Variants in BACH2 observed in about 807,000 individuals in gnomAD.
BACH2 encodes BACH transcriptional regulator 2, also known as transcription regulator protein BACH2.
BACH2 carries 5 observed loss-of-function variants against 61.8 expected under a neutral mutation model. That is an observed-to-expected ratio of 0.08 (90% confidence interval 0.04 to 0.17). The LOEUF (loss-of-function observed/expected upper bound fraction) is 0.17, where lower values mean the gene tolerates loss of function less well. Ranked by LOEUF, BACH2 falls within the 10% of genes least tolerant of loss-of-function variation. The pLI is 1.00. For missense variants in BACH2, 824 were observed against 1,091.1 expected (o/e 0.76, Z 3.45); for synonymous variants, 446 against 440.1 (o/e 1.01, Z -0.17).
chr6:89,960,577 A>G (rs1010073242), intron 6 of BACH2, among the ~76,000 whole-genome samples: 6 of 152,208 alleles, frequency 3.9e-5, no homozygotes, highest in African/African-American at 1.4e-4. Flanking sequence ...AATTGGTTCT[A>G]TTTTTCCAGT....
chr6:90,104,359 G>C (rs1782805958), intron 4 of BACH2: 1 of 152,212 alleles, frequency 6.6e-6, no homozygotes, highest in Non-Finnish European at 1.5e-5. Context: ...TGCTCCTGCT[G>C]TGCCCAGAAG....
At chr6:90,031,382 G>T (rs1042277689) in intron 5 of BACH2, among the ~76,000 whole-genome samples, 3 of 151,984 alleles carry the variant, frequency 2.0e-5, no homozygotes, top group African/African-American at 7.3e-5. Context: ...GGAAATAAAG[G>T]GTATTCAATT....
chr6:89,945,651 A>C (rs1773677239), intron 7 of BACH2, among the ~76,000 whole-genome samples: 3 of 152,202 alleles, frequency 2.0e-5, no homozygotes, highest in Admixed American at 2.0e-4. Context: ...AACATTGTGG[A>C]TATATCAACA....
At chr6:90,223,756 T>C (rs1377629764) in intron 3 of BACH2, among the ~76,000 whole-genome samples, 1 of 152,212 alleles carries the variant, frequency 6.6e-6, no homozygotes, top group East Asian at 1.9e-4. Context: ...ATTACAGGTA[T>C]GAGCCACCAG....
At chr6:90,009,304 A>G (rs777623535) in intron 5 of BACH2, among the ~76,000 whole-genome samples, 1 of 152,250 alleles carries the variant, frequency 6.6e-6, no homozygotes, top group Non-Finnish European at 1.5e-5. Flanking sequence ...TGTTGTCTTG[A>G]TGAAGTATAT....
At chr6:89,995,558 T>C (rs1776799310) in intron 6 of BACH2, among the ~76,000 whole-genome samples, 1 of 152,170 alleles carries the variant, frequency 6.6e-6, no homozygotes, top group Admixed American at 6.5e-5. Context: ...ACTTATCGCT[T>C]GTGACAAGAA....
At chr6:90,087,363 A>T (rs1781976237) in intron 5 of BACH2, among the ~76,000 whole-genome samples, 1 of 152,218 alleles carries the variant, frequency 6.6e-6, no homozygotes, top group Non-Finnish European at 1.5e-5. Context: ...AGTATCACTC[A>T]TACTATTTTT....
rs529112155 is a variant in BACH2 at position 89,989,653 on chromosome 6, A to G, written c.243+18949T>C. On this transcript the variant is annotated intron_variant, in intron 6 of 8. Coordinates refer to ENST00000257749, the MANE Select transcript of BACH2 (RefSeq NM_021813.4). ...TCATCACCTCCATCAAGAAGCATCT[A>G]CTAAGGGCCCAAGTTGTCCCCATGT... 6.0e-4 allele frequency among the ~76,000 whole-genome samples: 91 copies of G among 152,318 alleles called. 3 individuals carry two copies. In the South Asian group the frequency reaches 0.018, roughly 31 times the overall value.
chr6:90,046,233 G>A (rs574401730), intron 5 of BACH2, among the ~76,000 whole-genome samples: 1 of 152,294 alleles, frequency 6.6e-6, no homozygotes, highest in South Asian at 2.1e-4. Flanking sequence ...TGGAAACATG[G>A]AAAGATTCAG....
intron 6 of BACH2, among the ~76,000 whole-genome samples, chr6:89,974,136 T>A (rs1775520274): frequency 6.6e-6 from 1 of 152,164 alleles, no homozygotes; most frequent in African/African-American, 2.4e-5. Context: ...GACATTTGCA[T>A]CTTTAGTGAG....
chr6:90,088,023 C>A (rs1256257528), intron 5 of BACH2, among the ~76,000 whole-genome samples: 2 of 151,356 alleles, frequency 1.3e-5, no homozygotes, highest in Admixed American at 6.6e-5. Context: ...CCATGCCCTG[C>A]CCCCAACCCC....
At chr6:90,275,929 A>G (rs1235972332) in intron 1 of BACH2, among the ~76,000 whole-genome samples, 1 of 151,752 alleles carries the variant, frequency 6.6e-6, no homozygotes, top group African/African-American at 2.4e-5. Context: ...AGATCACACC[A>G]CTGCACTCCA....
At chr6:89,983,299 A>T (rs1776056845) in intron 6 of BACH2, among the ~76,000 whole-genome samples, 1 of 152,214 alleles carries the variant, frequency 6.6e-6, no homozygotes, top group African/African-American at 2.4e-5. Context: ...CTCTGTGAAA[A>T]GGCAGGCATG....
At chr6:90,002,206 T>G (rs1010335516) in intron 6 of BACH2, among the ~76,000 whole-genome samples, 14 of 152,184 alleles carry the variant, frequency 9.2e-5, no homozygotes, top group Non-Finnish European at 2.1e-4. Flanking sequence ...GCTTGCTCCT[T>G]CTTGGTCTAC....
chr6:90,007,357 G>T (rs1360146836), intron 6 of BACH2, among the ~76,000 whole-genome samples: 3 of 151,798 alleles, frequency 2.0e-5, no homozygotes, highest in Admixed American at 6.6e-5. Flanking sequence ...TTTAAAGATG[G>T]GGTCTTGCTA....
chr6:90,036,625 A>G (rs552489042), intron 5 of BACH2, among the ~76,000 whole-genome samples: 3 of 152,310 alleles, frequency 2.0e-5, no homozygotes, highest in Admixed American at 2.0e-4. Context: ...TTCAAAGCAT[A>G]TCAAAGTAAA....
At chr6:89,946,608 T>C (rs990437199) in intron 7 of BACH2, among the ~76,000 whole-genome samples, 2 of 152,124 alleles carry the variant, frequency 1.3e-5, no homozygotes, top group East Asian at 3.8e-4. Context: ...GAACGAGAGA[T>C]ATTGGAGAAA....
At chr6:89,939,183 A>G (rs1310955860) in intron 7 of BACH2, among the ~76,000 whole-genome samples, 1 of 152,182 alleles carries the variant, frequency 6.6e-6, no homozygotes, top group Non-Finnish European at 1.5e-5. Context: ...CCTCGAGGAC[A>G]TTCAAGCAGC....
intron 6 of BACH2, among the ~76,000 whole-genome samples, chr6:90,004,293 T>C (rs1031671540): frequency 1.3e-5 from 2 of 152,108 alleles, no homozygotes; most frequent in African/African-American, 4.8e-5. Context: ...TGCCCCAAAA[T>C]GTTGAGTGAG....
Sources: allele counts gnomAD v4.1 joint callset (sites outside exome capture counted in the v4.1 genomes callset), GRCh38; gene constraint gnomAD v4.1.1; transcripts MANE v1.5; gene names NCBI Gene and HGNC (gene_info 2026-07-23, HGNC 2026-07-21).